The following CLDN16 variants were observed in gnomAD, a reference collection of about 807,000 sequenced individuals.
The protein encoded by CLDN16 is claudin 16, also known as claudin-16.
Under a neutral mutation model 24.6 loss-of-function variants are expected in CLDN16, and 13 were observed. The observed-to-expected ratio is 0.53, with a 90% CI of 0.34 to 0.84. CLDN16 has a LOEUF of 0.84. CLDN16 is among the 40% of genes least tolerant of loss of function. The probability of loss-of-function intolerance (pLI) is 0.01; values close to 1 mark genes in which losing one functional copy is unlikely to be tolerated. For missense variants in CLDN16, 298 were observed against 292.7 expected (o/e 1.02, Z -0.13); for synonymous variants, 116 against 106.7 (o/e 1.09, Z -0.54).
At chr3:190,329,256 C>T (rs1717133160) in intron 1 of CLDN16, among the ~76,000 whole-genome samples, 1 of 152,036 alleles carries the variant, frequency 6.6e-6, no homozygotes, top group African/African-American at 2.4e-5. Context: ...AGTGCACCCA[C>T]CAGAGATGGG....
At chr3:190,346,658 A>G (rs1717556497) in intron 1 of CLDN16, among the ~76,000 whole-genome samples, 1 of 152,168 alleles carries the variant, frequency 6.6e-6, no homozygotes. Flanking sequence ...GACGTCTGAG[A>G]TCAGGATACC....
the CLDN16 span, chr3:190,310,082 G>A: frequency 9.4e-7 from 1 of 1,065,616 alleles, no homozygotes; most frequent in Non-Finnish European, 1.4e-6. Flanking sequence ...AGCAAATCTG[G>A]GAAATGATGG....
upstream of CLDN16, among the ~76,000 whole-genome samples, chr3:190,318,073 C>T (rs779082180): frequency 2.0e-5 from 3 of 152,146 alleles, no homozygotes; most frequent in East Asian, 1.9e-4. Flanking sequence ...TTTACTTTTA[C>T]GGAAGTTCAA....
At chr3:190,393,727 C>T (rs1222396924) in intron 1 of CLDN16, among the ~76,000 whole-genome samples, 1 of 147,648 alleles carries the variant, frequency 6.8e-6, no homozygotes, top group African/African-American at 2.5e-5. Context: ...TTTGTTTCCT[C>T]CTCTAAAGCT....
intron 1 of CLDN16, among the ~76,000 whole-genome samples, chr3:190,368,810 C>T (rs1718076255): frequency 6.6e-6 from 1 of 151,866 alleles, no homozygotes; most frequent in Non-Finnish European, 1.5e-5. Context: ...CTTACAATTC[C>T]ACCTTTCCTC....
At chr3:190,293,275 G>T in the CLDN16 span, among the ~76,000 whole-genome samples, 1 of 152,106 alleles carries the variant, frequency 6.6e-6, no homozygotes, top group Non-Finnish European at 1.5e-5. Context: ...ACAGTATGGG[G>T]GAACCACCCC....
chr3:190,292,371 T>G, the CLDN16 span, among the ~76,000 whole-genome samples: 1 of 152,120 alleles, frequency 6.6e-6, no homozygotes, highest in Non-Finnish European at 1.5e-5. Flanking sequence ...ACAGCTGGAA[T>G]GCATGGCATC....
intron 1 of CLDN16, among the ~76,000 whole-genome samples, chr3:190,364,325 G>A (rs1048201626): frequency 2.0e-5 from 3 of 151,854 alleles, no homozygotes; most frequent in Admixed American, 6.6e-5. Context: ...TGGATCACCC[G>A]TTCATGTAGC....
chr3:190,346,832 G>T (rs1170762178), intron 1 of CLDN16, among the ~76,000 whole-genome samples: 1 of 152,072 alleles, frequency 6.6e-6, no homozygotes, highest in Non-Finnish European at 1.5e-5. Context: ...GTCTCCCATT[G>T]CCTTCCCTCT....
At position 190,404,873 on chromosome 3, in the gene CLDN16, C is replaced by T. The variant is rs140829596; in HGVS notation, c.329C>T (p.Pro110Leu). The change falls in exon 3 of 5, where the codon CCG (proline) becomes CTG (leucine). Residue 110 changes from proline to leucine, a missense_variant. By Grantham distance (98) the Pro-to-Leu change is moderately conservative. Coordinates refer to ENST00000264734, the MANE Select transcript of CLDN16 (RefSeq NM_006580.4). ...TGCGTGAAATTCCTCCCTGATGAGC[C>T]GTACATTAAAGTCCGCATCTGCTTT... is the stretch of plus-strand genomic sequence containing the variant. ...LDCVKFLPDE[P>L]YIKVRICFVA... 65 of 1,613,940 alleles carry T rather than the reference C, an allele frequency of 4.0e-5. 1 individual carries two copies. In the African/African-American group the frequency reaches 5.5e-4, roughly 14 times the overall value.
intron 1 of CLDN16, among the ~76,000 whole-genome samples, chr3:190,360,123 C>A (rs1415605344): frequency 6.6e-6 from 1 of 151,886 alleles, no homozygotes; most frequent in Non-Finnish European, 1.5e-5. Context: ...AGGCAAGAAA[C>A]AAAGAAACTT....
At chr3:190,378,646 A>AG (rs1224518888) in intron 3 of CLDN16, among the ~76,000 whole-genome samples, 1 of 152,048 alleles carries the variant, frequency 6.6e-6, no homozygotes. Context: ...TTGATGAGTA[A>AG]GGGTTTGGAC....
At chr3:190,405,709 C>G (rs1719081043) in intron 3 of CLDN16, among the ~76,000 whole-genome samples, 1 of 152,086 alleles carries the variant, frequency 6.6e-6, no homozygotes, top group African/African-American at 2.4e-5. Context: ...TAACAATAAA[C>G]AGATCATATT....
the CLDN16 span, among the ~76,000 whole-genome samples, chr3:190,298,203 A>G: frequency 1.3e-5 from 2 of 152,158 alleles, no homozygotes; most frequent in African/African-American, 4.8e-5. Context: ...TACCTAACCC[A>G]AGGACTAGAA....
chr3:190,398,057 T>C (rs1302982927), intron 1 of CLDN16, among the ~76,000 whole-genome samples: 2 of 152,214 alleles, frequency 1.3e-5, no homozygotes, highest in Non-Finnish European at 2.9e-5. Flanking sequence ...TACAGCACAG[T>C]GCCTTCAAAC....
chr3:190,323,067 C>G (rs938909560), intron 1 of CLDN16, among the ~76,000 whole-genome samples: 1 of 150,862 alleles, frequency 6.6e-6, no homozygotes, highest in Non-Finnish European at 1.5e-5. Context: ...TACTTGGCTC[C>G]CCTCCCAATC....
At chr3:190,316,632 A>G in the CLDN16 span, among the ~76,000 whole-genome samples, 1 of 152,226 alleles carries the variant, frequency 6.6e-6, no homozygotes, top group Non-Finnish European at 1.5e-5. Flanking sequence ...AGATTTGTAA[A>G]GTATGTAATC....
At chr3:190,326,813 A>G (rs557174329) in intron 1 of CLDN16, among the ~76,000 whole-genome samples, 1 of 152,200 alleles carries the variant, frequency 6.6e-6, no homozygotes, top group South Asian at 2.1e-4. Context: ...TGTTTCAGTC[A>G]TAAAAGGTTA....
intron 1 of CLDN16, among the ~76,000 whole-genome samples, chr3:190,352,793 GAA>G (rs67683738): frequency 1.4e-5 from 2 of 145,642 alleles, no homozygotes; most frequent in African/African-American, 2.6e-5. Flanking sequence ...TGTTTTCTCA[GAA>G]AAAAAAAAAG....
Sources: gnomAD v4.1 joint callset for allele counts (sites outside exome capture counted in the v4.1 genomes callset) on GRCh38, gnomAD v4.1.1 for gene constraint, MANE v1.5 for transcripts, NCBI Gene and HGNC (gene_info 2026-07-23, HGNC 2026-07-21) for gene names.